PSTPIP2: variants seen among roughly 807,000 people sequenced by gnomAD.
PSTPIP2 encodes the protein proline-serine-threonine phosphatase interacting protein 2, also known as proline-serine-threonine phosphatase-interacting protein 2.
In PSTPIP2, 33 loss-of-function variants were observed where a neutral mutation model predicts 63.3. The observed-to-expected ratio is 0.52, with a 90% CI of 0.40 to 0.70. The LOEUF is 0.70. Ranked by LOEUF, PSTPIP2 falls within the 30% of genes least tolerant of loss-of-function variation. PSTPIP2 has a pLI of 0.00. For synonymous variants in PSTPIP2, 125 were observed against 132.7 expected, an observed-to-expected ratio of 0.94 and a Z score of 0.40; for missense variants, 312 against 400.7, an observed-to-expected ratio of 0.78 and a Z score of 1.89.
At chr18:46,009,776 CTGGT>C (rs1464577394) in intron 5 of PSTPIP2, among the ~76,000 whole-genome samples, 2 of 152,180 alleles carry the variant, frequency 1.3e-5, no homozygotes. Context: ...TGCCTAGACT[CTGGT>C]TGTCTAAGGC....
intron 1 of PSTPIP2, among the ~76,000 whole-genome samples, chr18:46,067,836 T>C (rs750002180): frequency 2.2e-4 from 34 of 152,250 alleles, no homozygotes; most frequent in Non-Finnish European, 4.8e-4. Flanking sequence ...AATAGTTTCT[T>C]TGCTCAGATA....
chr18:46,008,636 C>T (rs1251284378), intron 5 of PSTPIP2, among the ~76,000 whole-genome samples: 1 of 152,132 alleles, frequency 6.6e-6, no homozygotes, highest in Non-Finnish European at 1.5e-5. Context: ...CTGGAAGCAT[C>T]GCCTCTGTAA....
chr18:46,034,364 C>T (rs148376778), intron 2 of PSTPIP2, among the ~76,000 whole-genome samples: 33 of 152,272 alleles, frequency 2.2e-4, no homozygotes, highest in African/African-American at 7.9e-4. Context: ...TGTTCTTCTT[C>T]GGAGAATACA....
intron 5 of PSTPIP2, among the ~76,000 whole-genome samples, chr18:46,007,270 T>C (rs2051738278): frequency 6.6e-6 from 1 of 152,226 alleles, no homozygotes; most frequent in South Asian, 2.1e-4. Flanking sequence ...ATGAGCTTTG[T>C]GGAGTACATG....
intron 5 of PSTPIP2, among the ~76,000 whole-genome samples, chr18:46,008,589 G>A (rs1031482145): frequency 3.9e-5 from 6 of 152,122 alleles, no homozygotes; most frequent in African/African-American, 4.8e-5. Context: ...TTAGAGTCGT[G>A]AGCCACCTTG....
At chr18:46,039,303 G>A (rs1161299878) in intron 2 of PSTPIP2, among the ~76,000 whole-genome samples, 2 of 152,070 alleles carry the variant, frequency 1.3e-5, no homozygotes, top group African/African-American at 4.8e-5. Context: ...AACCATGCCA[G>A]TTCCCCATGG....
chr18:46,072,057 G>A, intron 1 of PSTPIP2, 99 bp downstream of exon 1: 1 of 1,394,708 alleles, frequency 7.2e-7, no homozygotes, highest in Non-Finnish European at 9.4e-7. Context: ...CGGTCACCGA[G>A]TGGCGCCGGA....
At chr18:46,052,202 C>G (rs1178471859) in intron 1 of PSTPIP2, among the ~76,000 whole-genome samples, 6 of 152,244 alleles carry the variant, frequency 3.9e-5, no homozygotes, top group African/African-American at 1.4e-4. Flanking sequence ...GAGCTAGGAA[C>G]TTGAACTAGG....
intron 3 of PSTPIP2, among the ~76,000 whole-genome samples, chr18:46,021,501 A>G (rs1907351494): frequency 6.7e-6 from 1 of 150,356 alleles, no homozygotes; most frequent in African/African-American, 2.4e-5. Flanking sequence ...ATAAGAGGAA[A>G]GAAATATAAA....
chr18:46,045,895 C>T (rs1174897773), intron 1 of PSTPIP2, among the ~76,000 whole-genome samples: 1 of 152,196 alleles, frequency 6.6e-6, no homozygotes, highest in African/African-American at 2.4e-5. Flanking sequence ...CTGTAGTGAG[C>T]TTTGCATCAC....
At chr18:45,992,749 GCT>G (rs1483312770) in intron 10 of PSTPIP2, among the ~76,000 whole-genome samples, 1 of 145,466 alleles carries the variant, frequency 6.9e-6, no homozygotes, top group Non-Finnish European at 1.5e-5. Context: ...ACAGAGTCTC[GCT>G]CTGTCACCCA....
In PSTPIP2 at chr18:45,999,476, C is replaced by T. The variant is rs777022955; in HGVS notation, c.476G>A (p.Ser159Asn). ...RDKDEAEQAV[S>N]RSANLVNPKQ... ...CGGGTTCACCAGGTTGGCACTCCGG[C>T]TGACGGCCTGTTCTGCCTCATCTTT... Residue 159 changes from serine to asparagine, a missense_variant, in exon 7 of 15, where the codon AGC becomes AAC. Ser to Asn is a conservative substitution (Grantham distance 46, BLOSUM62 1). Coordinates refer to ENST00000409746, the MANE Select transcript of PSTPIP2 (RefSeq NM_024430.4). 6.2e-7 allele frequency: 1 copy of T among 1,614,230 alleles called. No homozygotes were observed. The highest frequency in any genetic ancestry group is 8.5e-7 in the Non-Finnish European group (1 of 1,180,044).
At chr18:46,060,094 T>C (rs928952221) in intron 1 of PSTPIP2, among the ~76,000 whole-genome samples, 7 of 152,208 alleles carry the variant, frequency 4.6e-5, no homozygotes, top group African/African-American at 1.7e-4. Flanking sequence ...AACTTTCTTT[T>C]AAACTTAATA....
intron 4 of PSTPIP2, among the ~76,000 whole-genome samples, chr18:46,012,080 A>T: frequency 6.6e-6 from 1 of 152,240 alleles, no homozygotes; most frequent in East Asian, 1.9e-4. Flanking sequence ...AGTATTTAAA[A>T]ACCAGTTAAA....
chr18:46,051,356 T>G lies in PSTPIP2; in HGVS notation c.34-11309A>C, dbSNP rs574657083. 1.8e-4 allele frequency among the ~76,000 whole-genome samples: 28 copies of G among 152,156 alleles called. No individual in the cohort carries two copies. The East Asian group carries it at 4.1e-3, about 22-fold the overall frequency. ...CTGGGTGCATGGTGGGCACCTGTAA[T>G]CCCAGCTACATGGGAGGCTGAGGTG... is the stretch of plus-strand genomic sequence containing the variant. On this transcript the variant is annotated intron_variant, in intron 1 of 14. Transcript: ENST00000409746.
chr18:45,998,935 A>G, intron 7 of PSTPIP2, 96 bp from the exon 8 acceptor site: 2 of 1,353,484 alleles, frequency 1.5e-6, no homozygotes, highest in Non-Finnish European at 2.1e-6. Context: ...AGTAACTATG[A>G]AGAGACCAGG....
At chr18:46,011,400 C>A in intron 4 of PSTPIP2, 113 bp from the exon 5 acceptor site, 1 of 819,112 alleles carries the variant, frequency 1.2e-6, no homozygotes, top group Non-Finnish European at 1.9e-6. Flanking sequence ...GTGGTAAAAT[C>A]AACATCACTT....
At position 45,999,551 on chromosome 18, in the gene PSTPIP2, A is replaced by T; in HGVS notation, c.418-17T>A. On this transcript the variant is annotated splice_polypyrimidine_tract_variant and intron_variant, in intron 6 of 14. Coordinates refer to ENST00000409746, the MANE Select transcript of PSTPIP2 (RefSeq NM_024430.4). ...CTTCTTTGCCTTTGTCATTATGAAC[A>T]AAGAGAACCAAAACAAATGAACAGA... The T allele has an allele frequency of 6.2e-7, 1 of 1,613,450 alleles. No individual in the cohort carries two copies. Among genetic ancestry groups the T allele is most frequent in the Non-Finnish European group, 8.5e-7 (1 of 1,179,404 alleles).
chr18:45,993,663 C>T lies in PSTPIP2; in HGVS notation c.683G>A (p.Arg228Gln), dbSNP rs774118480. 10 of 1,613,990 alleles carry T rather than the reference C, an allele frequency of 6.2e-6. No individual in the cohort carries two copies. The highest frequency in any genetic ancestry group is 2.2e-5 in the East Asian group (1 of 44,888). Reference protein sequence around the residue: ...AQECERINFFRNALWLHVNQL... With the variant: ...AQECERINFFQNALWLHVNQL... ...ATTCACATGTAACCACAATGCATTC[C>T]GGAAGAAGTTTATTCGTTCACATTC... Residue 228 changes from arginine to glutamine, a missense_variant, in exon 10 of 15, where the codon CGG (arginine) becomes CAG (glutamine). Physicochemically the swap from Arg to Gln is conservative, Grantham distance 43. Coordinates refer to ENST00000409746, the MANE Select transcript of PSTPIP2 (RefSeq NM_024430.4).
Sources: allele counts gnomAD v4.1 joint callset (sites outside exome capture counted in the v4.1 genomes callset), GRCh38; gene constraint gnomAD v4.1.1; transcripts MANE v1.5; gene names NCBI Gene and HGNC (gene_info 2026-07-23, HGNC 2026-07-21).